BMPR1B: variants seen among roughly 807,000 people sequenced by gnomAD.
BMPR1B encodes bone morphogenetic protein receptor type 1B.
BMPR1B carries 12 observed loss-of-function variants against 59.1 expected under a neutral mutation model. The observed-to-expected ratio is 0.20, with a 90% CI of 0.13 to 0.33. The LOEUF (loss-of-function observed/expected upper bound fraction) is 0.33. BMPR1B is among the 10% of genes least tolerant of loss of function. The pLI, the probability that BMPR1B is intolerant of heterozygous loss-of-function variation, is 1.00. For synonymous variants in BMPR1B, 237 were observed against 207.3 expected (o/e 1.14, Z -1.23); for missense variants, 550 against 610.9 (o/e 0.90, Z 1.05).
intron 2 of BMPR1B, among the ~76,000 whole-genome samples, chr4:94,883,718 A>T (rs1727067110): frequency 6.6e-6 from 1 of 152,198 alleles, no homozygotes; most frequent in East Asian, 1.9e-4. Flanking sequence ...AATAAATTGC[A>T]TCAATTTGCA....
At chr4:95,014,610 AGGG>A (rs1723453197) in intron 3 of BMPR1B, among the ~76,000 whole-genome samples, 1 of 152,224 alleles carries the variant, frequency 6.6e-6, no homozygotes, top group Non-Finnish European at 1.5e-5. Flanking sequence ...TATTTTATGT[AGGG>A]TAAGATGATG....
At chr4:95,035,199 T>A (rs559802492) in intron 3 of BMPR1B, among the ~76,000 whole-genome samples, 2 of 152,326 alleles carry the variant, frequency 1.3e-5, no homozygotes, top group African/African-American at 4.8e-5. Flanking sequence ...GATGCATAGT[T>A]TATGAATATT....
intron 2 of BMPR1B, among the ~76,000 whole-genome samples, chr4:94,980,010 A>G (rs1731173668): frequency 6.6e-6 from 1 of 152,344 alleles, no homozygotes; most frequent in African/African-American, 2.4e-5. Flanking sequence ...GAAAACTGCT[A>G]CCTGCCTGAA....
At chr4:94,950,116 T>C (rs6846197) in intron 2 of BMPR1B, among the ~76,000 whole-genome samples, 85,695 of 151,986 alleles carry the variant, frequency 0.56, 25,321 homozygotes, top group African/African-American at 0.73. Context: ...TCATATCCTT[T>C]GCCCACTTTT....
intron 10 of BMPR1B, among the ~76,000 whole-genome samples, chr4:95,141,741 C>T (rs1162893062): frequency 6.6e-6 from 1 of 152,104 alleles, no homozygotes; most frequent in Admixed American, 6.5e-5. Flanking sequence ...ACTTCAGAGT[C>T]AGAACAAAAT....
intron 3 of BMPR1B, among the ~76,000 whole-genome samples, chr4:95,032,125 T>G (rs1329635920): frequency 6.6e-6 from 1 of 152,076 alleles, no homozygotes; most frequent in Non-Finnish European, 1.5e-5. Context: ...GACGTTTATT[T>G]TTCACAGTTC....
chr4:94,925,167 G>C (rs1019323669), intron 2 of BMPR1B, among the ~76,000 whole-genome samples: 1 of 152,020 alleles, frequency 6.6e-6, no homozygotes, highest in African/African-American at 2.4e-5. Context: ...TAGCCACCCA[G>C]ACTCCAAGCA....
chr4:94,935,876 T>C (rs1729275166), intron 2 of BMPR1B, among the ~76,000 whole-genome samples: 1 of 152,204 alleles, frequency 6.6e-6, no homozygotes, highest in African/African-American at 2.4e-5. Context: ...GAAAATGCCT[T>C]ATCTTTCTAA....
chr4:94,818,397 A>G (rs561962662), intron 1 of BMPR1B, among the ~76,000 whole-genome samples: 169 of 152,358 alleles, frequency 1.1e-3, no homozygotes, highest in African/African-American at 3.8e-3. Flanking sequence ...AAGCTGAGGT[A>G]CAAAGAGGCT....
At chr4:95,089,830 T>C (rs1253415289) in intron 3 of BMPR1B, among the ~76,000 whole-genome samples, 1 of 152,062 alleles carries the variant, frequency 6.6e-6, no homozygotes, top group Non-Finnish European at 1.5e-5. Context: ...TAAGTATAAT[T>C]TCAAGAAAAA....
At chr4:94,848,733 C>T (rs1449920681) in intron 1 of BMPR1B, among the ~76,000 whole-genome samples, 1 of 152,146 alleles carries the variant, frequency 6.6e-6, no homozygotes, top group Non-Finnish European at 1.5e-5. Context: ...AGTGAGAGAC[C>T]TGCTAGAGGC....
chr4:94,928,943 CT>C (rs1349312924), intron 2 of BMPR1B, among the ~76,000 whole-genome samples: 6 of 151,936 alleles, frequency 3.9e-5, no homozygotes, highest in African/African-American at 1.2e-4. Context: ...TTTATTTTTA[CT>C]TTTATGCCCC....
intron 2 of BMPR1B, among the ~76,000 whole-genome samples, chr4:94,926,932 G>T (rs899770623): frequency 6.6e-6 from 1 of 151,870 alleles, no homozygotes; most frequent in Non-Finnish European, 1.5e-5. Flanking sequence ...TTTTTCTTTG[G>T]TAGAATCAAA....
intron 1 of BMPR1B, among the ~76,000 whole-genome samples, chr4:94,772,821 T>G (rs1170251933): frequency 1.3e-5 from 2 of 152,166 alleles, no homozygotes; most frequent in African/African-American, 4.8e-5. Context: ...CTTTGTGTAT[T>G]CTGGAGGCTT....
Position 94,818,848 on chromosome 4 carries a change from T to C in BMPR1B, c.-182-56983T>C, listed in dbSNP as rs553083543. On this transcript the variant is annotated intron_variant, in intron 1 of 12. Transcript: ENST00000515059. ...ATCAAGCCTGTTTAATTTTCTCTTA[T>C]AGGCTAGGTGTGATGGCTCATGCCT... 3.2e-4 allele frequency among the ~76,000 whole-genome samples: 49 copies of C among 152,292 alleles called. No homozygotes were observed. The South Asian group carries it at 9.1e-3, about 28-fold the overall frequency.
rs1560556664 is a variant in BMPR1B at position 94,937,723 on chromosome 4, C to CACACACACACACACACAG, written c.-112-58302_-112-58301insCAGACACACACACACACA. Among the ~76,000 whole-genome samples the CACACACACACACACACAG allele has an allele frequency of 3.0e-4, 46 of 151,424 alleles. 1 individual carries two copies. In the East Asian group the frequency reaches 5.2e-3, roughly 17 times the overall value. ...ATATGTATAAACACACACACAGACA[C>CACACACACACACACACAG]ACACACACACACACAGACACACACA... is the stretch of plus-strand genomic sequence containing the variant. On this transcript the variant is annotated intron_variant, in intron 2 of 12. Coordinates refer to ENST00000515059, the MANE Select transcript of BMPR1B (RefSeq NM_001203.3).
chr4:94,842,807 G>A (rs1725144259), intron 1 of BMPR1B, among the ~76,000 whole-genome samples: 1 of 152,128 alleles, frequency 6.6e-6, no homozygotes, highest in African/African-American at 2.4e-5. Context: ...ATAGCCAAGA[G>A]AAAACAAATA....
intron 3 of BMPR1B, among the ~76,000 whole-genome samples, chr4:95,061,962 T>G (rs1017489989): frequency 3.4e-4 from 52 of 152,102 alleles, no homozygotes; most frequent in African/African-American, 1.2e-3. Flanking sequence ...TAAAAGTGTG[T>G]GGCACTTCCC....
chr4:95,008,939 C>T (rs1338617061), intron 3 of BMPR1B, among the ~76,000 whole-genome samples: 1 of 152,002 alleles, frequency 6.6e-6, no homozygotes, highest in East Asian at 1.9e-4. Flanking sequence ...CTTATAATCC[C>T]AGTGCTTTGG....
Sources: allele counts gnomAD v4.1 joint callset (sites outside exome capture counted in the v4.1 genomes callset), GRCh38; gene constraint gnomAD v4.1.1; transcripts MANE v1.5; gene names NCBI Gene and HGNC (gene_info 2026-07-23, HGNC 2026-07-21).